The following GPR137C variants were observed in gnomAD, a reference collection of about 807,000 sequenced individuals.
GPR137C encodes integral membrane protein GPR137C.
GPR137C carries 27 observed loss-of-function variants against 43.4 expected under a neutral mutation model. That is an observed-to-expected ratio of 0.62 (90% CI 0.46 to 0.86). The LOEUF (loss-of-function observed/expected upper bound fraction) is 0.86, where lower values mean the gene tolerates loss of function less well. Ranked by LOEUF, GPR137C falls within the 40% of genes least tolerant of loss-of-function variation. The probability of loss-of-function intolerance (pLI) is 0.00; values close to 1 mark genes in which losing one functional copy is unlikely to be tolerated. For synonymous variants in GPR137C, 285 were observed against 226.9 expected (o/e 1.26, Z -2.30); for missense variants, 522 against 534.6 (o/e 0.98, Z 0.23).
At chr14:52,591,783 C>G (rs1004409335) in intron 1 of GPR137C, among the ~76,000 whole-genome samples, 1 of 152,182 alleles carries the variant, frequency 6.6e-6, no homozygotes, top group African/African-American at 2.4e-5. Context: ...GTCGCCTGTT[C>G]ACTCTGATGA....
intron 1 of GPR137C, among the ~76,000 whole-genome samples, chr14:52,583,650 T>C (rs1390882465): frequency 6.6e-6 from 1 of 152,222 alleles, no homozygotes; most frequent in Non-Finnish European, 1.5e-5. Context: ...TATTTTATAC[T>C]TCCCAATACT....
Position 52,632,264 on chromosome 14 carries a change from A to T in GPR137C, c.822A>T (p.Thr274=), listed in dbSNP as rs1233349558. 2 of 1,611,436 alleles carry T rather than the reference A, an allele frequency of 1.2e-6. No individual in the cohort carries two copies. The highest frequency in any genetic ancestry group is 2.2e-5 in the South Asian group (2 of 90,922). The change falls in exon 4 of 7, where the codon ACA becomes ACT. Residue 274 remains threonine (T), a synonymous_variant. Transcript: ENST00000321662. ...NLVVVTISQD[T]LESPFNYGWD... is the part of the protein sequence containing the mutation. ...TGGTGGTCACCATATCTCAGGATAC[A>T]TTAGAAAGTCCATTTAATTATGGCT...
At chr14:52,574,803 T>C (rs181540478) in intron 1 of GPR137C, among the ~76,000 whole-genome samples, 4 of 152,276 alleles carry the variant, frequency 2.6e-5, no homozygotes, top group South Asian at 2.1e-4. Context: ...TGCTCCTTTT[T>C]CCCCCACCAT....
At position 52,590,008 on chromosome 14, in the gene GPR137C, T is replaced by C. The variant is rs2038761699; in HGVS notation, c.445-8264T>C. On this transcript the variant is annotated intron_variant, in intron 1 of 6. Coordinates refer to ENST00000321662, the MANE Select transcript of GPR137C (RefSeq NM_001099652.2). ...CTTATTAAAAAAAAGTTAACTGTAATACAGCCTCACGTAGGTCCTTCAGGA... is the reference window on the plus strand; with the variant it reads ...CTTATTAAAAAAAAGTTAACTGTAACACAGCCTCACGTAGGTCCTTCAGGA... 3.3e-5 allele frequency among the ~76,000 whole-genome samples: 5 copies of C among 152,282 alleles called. No homozygotes were observed. The South Asian group carries it at 1.0e-3, about 32-fold the overall frequency.
intron 3 of GPR137C, among the ~76,000 whole-genome samples, chr14:52,606,392 TTTTC>T (rs1447973735): frequency 6.6e-6 from 1 of 152,116 alleles, no homozygotes; most frequent in Non-Finnish European, 1.5e-5. Context: ...TTCCTTTTCT[TTTTC>T]TTTTTTATTT....
intron 3 of GPR137C, 101 bp from the exon 4 acceptor site, chr14:52,632,059 G>T: frequency 1.4e-6 from 1 of 709,416 alleles, no homozygotes; most frequent in Non-Finnish European, 2.5e-6. Context: ...TCAGTGCTTT[G>T]TAGGAGTGCA....
chr14:52,582,057 GT>G (rs2038654899), intron 1 of GPR137C, among the ~76,000 whole-genome samples: 1 of 152,156 alleles, frequency 6.6e-6, no homozygotes, highest in Non-Finnish European at 1.5e-5. Flanking sequence ...AAACTGGGTA[GT>G]TTATAAGAAA....
At chr14:52,556,027 G>A (rs1249853552) in intron 1 of GPR137C, among the ~76,000 whole-genome samples, 3 of 152,128 alleles carry the variant, frequency 2.0e-5, no homozygotes, top group Non-Finnish European at 4.4e-5. Context: ...TTCCTAGTGA[G>A]TTCTTCATAT....
intron 1 of GPR137C, among the ~76,000 whole-genome samples, chr14:52,561,044 A>G (rs1322020733): frequency 1.9e-4 from 29 of 152,226 alleles, no homozygotes; most frequent in Admixed American, 1.9e-3. Flanking sequence ...ATTTGAACAG[A>G]TACTTCACAA....
chr14:52,629,817 C>T (rs17125592), intron 3 of GPR137C, among the ~76,000 whole-genome samples: 7,434 of 152,160 alleles, frequency 0.049, 596 homozygotes, highest in African/African-American at 0.17. Context: ...TGCATATCTG[C>T]GTTCTAAAAG....
intron 1 of GPR137C, among the ~76,000 whole-genome samples, chr14:52,583,164 T>G (rs2038669934): frequency 6.6e-6 from 1 of 152,208 alleles, no homozygotes; most frequent in African/African-American, 2.4e-5. Context: ...TTTAGATACA[T>G]TATTTACCAT....
At chr14:52,617,992 T>C (rs527349423) in intron 3 of GPR137C, among the ~76,000 whole-genome samples, 1 of 152,324 alleles carries the variant, frequency 6.6e-6, no homozygotes, top group South Asian at 2.1e-4. Context: ...AATTAGGGGA[T>C]GGTAATCTAA....
intron 1 of GPR137C, among the ~76,000 whole-genome samples, chr14:52,585,840 A>AAAAAG (rs1330201219): frequency 6.6e-6 from 1 of 152,172 alleles, no homozygotes; most frequent in African/African-American, 2.4e-5. Context: ...GTCTCAAAAA[A>AAAAAG]AAAAGAAAAG....
chr14:52,590,968 C>A (rs1349859940), intron 1 of GPR137C, among the ~76,000 whole-genome samples: 1 of 152,038 alleles, frequency 6.6e-6, no homozygotes, highest in East Asian at 1.9e-4. Context: ...TCTCCTAATG[C>A]TACCCCTCCC....
chr14:52,561,512 C>G (rs1167271545), intron 1 of GPR137C, among the ~76,000 whole-genome samples: 3 of 152,096 alleles, frequency 2.0e-5, no homozygotes, highest in Admixed American at 2.0e-4. Flanking sequence ...GCATATGTTC[C>G]TATAAAAACT....
At chr14:52,626,924 A>G (rs1208176253) in intron 3 of GPR137C, among the ~76,000 whole-genome samples, 1 of 152,224 alleles carries the variant, frequency 6.6e-6, no homozygotes, top group Non-Finnish European at 1.5e-5. Flanking sequence ...CAATATCTGT[A>G]TACTGAAAAC....
intron 1 of GPR137C, among the ~76,000 whole-genome samples, chr14:52,595,461 A>G (rs1316993873): frequency 3.3e-5 from 5 of 152,118 alleles, no homozygotes; most frequent in African/African-American, 7.2e-5. Flanking sequence ...ACAACAATCA[A>G]ACATAGATTT....
intron 1 of GPR137C, among the ~76,000 whole-genome samples, chr14:52,558,157 G>A (rs2038223940): frequency 6.6e-6 from 1 of 152,076 alleles, no homozygotes; most frequent in Admixed American, 6.6e-5. Context: ...TGTGTCTTGG[G>A]GGTAGGGCAG....
chr14:52,554,431 C>T (rs2038160197), intron 1 of GPR137C, among the ~76,000 whole-genome samples: 1 of 152,122 alleles, frequency 6.6e-6, no homozygotes, highest in Non-Finnish European at 1.5e-5. Context: ...GGTTGGATTG[C>T]ATTGTTCTGC....
Sources: allele counts gnomAD v4.1 joint callset (sites outside exome capture counted in the v4.1 genomes callset), GRCh38; gene constraint gnomAD v4.1.1; transcripts MANE v1.5; gene names NCBI Gene and HGNC (gene_info 2026-07-23, HGNC 2026-07-21).